The following BEAN1 variants were observed in gnomAD, a reference collection of about 807,000 sequenced individuals.
BEAN1 encodes protein BEAN1.
BEAN1 carries 17 observed loss-of-function variants against 17.7 expected under a neutral mutation model. That is an observed-to-expected ratio of 0.96 (90% CI 0.66 to 1.44). The LOEUF (loss-of-function observed/expected upper bound fraction) is 1.44. BEAN1 is among the 40% of genes most tolerant of loss of function. The probability of loss-of-function intolerance (pLI) is 0.00; values close to 1 mark genes in which losing one functional copy is unlikely to be tolerated. For missense variants in BEAN1, 359 were observed against 374.1 expected (o/e 0.96, Z 0.33); for synonymous variants, 142 against 151.8 (o/e 0.94, Z 0.47).
exon 5 of BEAN1, chr16:66,493,527 G>GACATCCA: frequency 1.7e-6 from 1 of 585,142 alleles, no homozygotes; most frequent in Non-Finnish European, 3.0e-6. Context: ...TGGATGCCCT[G>GACATCCA]GTTTCCCAAG....
downstream of BEAN1, chr16:66,484,580 A>T (rs1041312080): frequency 1.1e-5 from 5 of 454,106 alleles, no homozygotes; most frequent in East Asian, 3.5e-4. The surrounding 1 kb of genome is among the most constrained non-coding windows in gnomAD (Gnocchi z 4.2). Context: ...AAGCTGCATC[A>T]CAGGACGATG....
chr16:66,449,606 C>CAAAAAAAAA (rs35721774), intron 2 of BEAN1, among the ~76,000 whole-genome samples: 4 of 83,312 alleles, frequency 4.8e-5, no homozygotes, highest in South Asian at 4.8e-4. Context: ...GACTCCATCT[C>CAAAAAAAAA]AAAAAAAAAA....
intron 2 of BEAN1, among the ~76,000 whole-genome samples, chr16:66,438,828 G>A (rs1029123458): frequency 1.1e-4 from 16 of 152,008 alleles, no homozygotes; most frequent in African/African-American, 3.6e-4. Context: ...ACCACCACTC[G>A]CTATAATTTG....
At chr16:66,466,142 C>T (rs1388390940) in intron 2 of BEAN1, among the ~76,000 whole-genome samples, 4 of 152,156 alleles carry the variant, frequency 2.6e-5, no homozygotes, top group Admixed American at 2.6e-4. Flanking sequence ...AAAGAACCAA[C>T]TTCTGGGCCG....
chr16:66,461,032 G>C (rs926290710), intron 2 of BEAN1, among the ~76,000 whole-genome samples: 57 of 152,234 alleles, frequency 3.7e-4, no homozygotes, highest in African/African-American at 8.4e-4. Flanking sequence ...GCTGGCATTG[G>C]GGGGGAGGTG....
intron 4 of BEAN1, among the ~76,000 whole-genome samples, chr16:66,480,118 G>C (rs1171762237): frequency 6.6e-6 from 1 of 152,084 alleles, no homozygotes; most frequent in Non-Finnish European, 1.5e-5. Flanking sequence ...CAGTCCTTTC[G>C]GGGCAATGGG....
chr16:66,451,388 G>A (rs1421332781), intron 2 of BEAN1: 2 of 152,138 alleles, frequency 1.3e-5, no homozygotes. Context: ...TCCCTGTGCA[G>A]GCCCTCAGCC....
Position 66,480,728 on chromosome 16 carries a change from C to T in BEAN1, c.583C>T (p.Gln195Ter). 1.3e-6 allele frequency: 2 copies of T among 1,551,644 alleles called. No homozygotes were observed. Among genetic ancestry groups the T allele is most frequent in the Non-Finnish European group, 1.7e-6 (2 of 1,146,956 alleles). ...GSGHSPGRHQ[Q>*]EQRTPAQGGL... ...CGGCCACAGCCCTGGCCGACACCAGCAGGAGCAGAGGACCCCGGCCCAAGG... is the reference window on the plus strand; with the variant it reads ...CGGCCACAGCCCTGGCCGACACCAGTAGGAGCAGAGGACCCCGGCCCAAGG... The change falls in exon 5 of 5, where the codon CAG becomes TAG. Residue 195 changes from glutamine to a stop codon, truncating the protein, a stop_gained. Transcript: ENST00000536005. LOFTEE classifies it low-confidence loss of function (END_TRUNC).
At chr16:66,459,749 A>C (rs1381077765) in intron 2 of BEAN1, among the ~76,000 whole-genome samples, 1 of 152,128 alleles carries the variant, frequency 6.6e-6, no homozygotes, top group Non-Finnish European at 1.5e-5. Context: ...AAATGCATCA[A>C]GTCCTCAGCA....
intron 1 of BEAN1, chr16:66,428,557 TTGGCTGACTTCC>T (rs1961670912): frequency 6.6e-6 from 1 of 152,338 alleles, no homozygotes; most frequent in East Asian, 1.9e-4. Context: ...GAAGGTGGGC[TTGGCTGACTTCC>T]TGGCTGTACA....
rs1376980745 is a variant in BEAN1 at position 66,427,579 on chromosome 16, G to C, written c.-83+148G>C. The C allele has an allele frequency of 6.6e-6, 1 of 152,060 alleles. No homozygotes were observed. The highest frequency in any genetic ancestry group is 2.4e-5 in the African/African-American group (1 of 41,424). The allele number at this position is 152,060 out of a possible 1,614,324, so 9.4% of individuals were successfully genotyped here. A position where few individuals can be genotyped will look rare whatever the true frequency, so the allele number is the denominator to read the frequency against. ...GGTGCGCGGGGCGGGCGGATGCGCG[G>C]TCCGGAACGGAACCGCAGCGCGCTC... On this transcript the variant is annotated intron_variant, in intron 1 of 4. Transcript: ENST00000536005. The surrounding 1 kb of genome is among the most constrained non-coding windows in gnomAD (Gnocchi z 4.7).
rs1963543957 is a variant in BEAN1, at chr16:66,473,024, A to C, written c.289+3159A>C. On this transcript the variant is annotated intron_variant, in intron 3 of 4. Coordinates refer to ENST00000536005, the MANE Select transcript of BEAN1 (RefSeq NM_001178020.3). The surrounding 1 kb of genome is among the most constrained non-coding windows in gnomAD (Gnocchi z 4.5). Reference sequence around the variant, plus strand: ...ACAGCAGAGAGAGACCCTGTCTCTAAAAAAATAAAAAAATTAAGACTGGGA... The same window carrying C: ...ACAGCAGAGAGAGACCCTGTCTCTACAAAAATAAAAAAATTAAGACTGGGA... Among the ~76,000 whole-genome samples the C allele has an allele frequency of 6.6e-6, 1 of 152,128 alleles. No homozygotes were observed. Among genetic ancestry groups the C allele is most frequent in the South Asian group, 2.1e-4 (1 of 4,830 alleles).
At position 66,492,992 on chromosome 16, in the gene BEAN1, C is replaced by T. The variant is rs951401590; in HGVS notation, c.178C>T (p.Arg60Ter). ...CACTGGGAGCTTTACCTACTGGGTG[C>T]GATCTATGCTTTCCAGACACAAACT... Residue 60 changes from arginine (R) to a stop codon, truncating the protein, a stop_gained, in exon 5 of 5, where the codon CGA becomes TGA. Transcript: ENST00000561796. LOFTEE classifies it low-confidence loss of function (END_TRUNC). The T allele has an allele frequency of 1.8e-5, 13 of 702,996 alleles. No homozygotes were observed. The highest frequency in any genetic ancestry group is 2.7e-5 in the East Asian group (1 of 37,288). The allele number at this position is 702,996 out of a possible 1,614,324, so 43.5% of individuals were successfully genotyped here. A position where few individuals can be genotyped will look rare whatever the true frequency, so the allele number is the denominator to read the frequency against.
intron 1 of BEAN1, among the ~76,000 whole-genome samples, chr16:66,435,705 T>A (rs1281868751): frequency 6.6e-6 from 1 of 152,124 alleles, no homozygotes; most frequent in Non-Finnish European, 1.5e-5. Flanking sequence ...GCCAGGATGG[T>A]CTCGATCTCC....
intron 4 of BEAN1, among the ~76,000 whole-genome samples, chr16:66,478,399 G>A (rs1157289811): frequency 7.2e-5 from 11 of 152,032 alleles, no homozygotes; most frequent in Non-Finnish European, 1.2e-4. Flanking sequence ...TCAGGAGATC[G>A]AGACCATCCT....
intron 2 of BEAN1, among the ~76,000 whole-genome samples, chr16:66,467,172 T>C (rs1216442638): frequency 6.6e-6 from 1 of 152,216 alleles, no homozygotes; most frequent in East Asian, 1.9e-4. Flanking sequence ...GACATGTTCT[T>C]ACGCTAAAGA....
At chr16:66,433,513 C>T (rs920020620) in intron 1 of BEAN1, among the ~76,000 whole-genome samples, 1 of 152,196 alleles carries the variant, frequency 6.6e-6, no homozygotes, top group Non-Finnish European at 1.5e-5. Flanking sequence ...GCCACGGCCT[C>T]CCAAGCTCCC....
intron 2 of BEAN1, among the ~76,000 whole-genome samples, chr16:66,457,696 C>A (rs1349357127): frequency 6.6e-6 from 1 of 152,058 alleles, no homozygotes. Context: ...TCTGAGATGT[C>A]CCTGGCCTGT....
intron 3 of BEAN1, chr16:66,470,137 A>G: frequency 1.8e-6 from 1 of 562,928 alleles, no homozygotes; most frequent in South Asian, 2.3e-5. Flanking sequence ...CTGTTGGTCC[A>G]GGCTGCACCA....
Sources: gnomAD v4.1 joint callset for allele counts (sites outside exome capture counted in the v4.1 genomes callset) on GRCh38, gnomAD v4.1.1 for gene constraint, Gnocchi (gnomAD v3.1) non-coding constraint, MANE v1.5 for transcripts, NCBI Gene and HGNC (gene_info 2026-07-23, HGNC 2026-07-21) for gene names.